ZBBX: variants seen among roughly 807,000 people sequenced by gnomAD.
ZBBX encodes the protein zinc finger B-box domain-containing protein 1.
A neutral mutation model predicts 108.5 loss-of-function variants in ZBBX; 101 were observed. The observed-to-expected ratio is 0.93, with a 90% CI of 0.79 to 1.10. The LOEUF is 1.10. ZBBX is among the 50% of genes least tolerant of loss of function. ZBBX has a pLI of 0.00. For missense variants in ZBBX, 1,009 were observed against 941.4 expected (o/e 1.07, Z -0.94); for synonymous variants, 356 against 323.4 (o/e 1.10, Z -1.08).
At chr3:167,338,353 C>T (rs565176997) in intron 9 of ZBBX, among the ~76,000 whole-genome samples, 4 of 152,178 alleles carry the variant, frequency 2.6e-5, no homozygotes, top group African/African-American at 9.6e-5. Context: ...ATGGATGGCA[C>T]CTTGTAGAAG....
At chr3:167,283,830 A>G (rs1729238144) in intron 19 of ZBBX, among the ~76,000 whole-genome samples, 1 of 152,074 alleles carries the variant, frequency 6.6e-6, no homozygotes, top group South Asian at 2.1e-4. Context: ...TTTAGTAGAG[A>G]TGGGGTTTCA....
At chr3:167,339,857 T>C (rs1740234057) in intron 9 of ZBBX, among the ~76,000 whole-genome samples, 1 of 152,034 alleles carries the variant, frequency 6.6e-6, no homozygotes, top group South Asian at 2.1e-4. Context: ...GTGTGTTGTT[T>C]CATTCCCTGT....
intron 20 of ZBBX, among the ~76,000 whole-genome samples, chr3:167,257,642 T>C (rs1007398179): frequency 2.4e-4 from 37 of 152,254 alleles, no homozygotes; most frequent in African/African-American, 8.7e-4. Flanking sequence ...GAAATGATCA[T>C]ATGGTTATTG....
At chr3:167,269,883 C>G (rs1390332526) in intron 20 of ZBBX, among the ~76,000 whole-genome samples, 1 of 152,178 alleles carries the variant, frequency 6.6e-6, no homozygotes, top group Non-Finnish European at 1.5e-5. Flanking sequence ...GGCATGTCCC[C>G]TAGCTGAAGA....
intron 21 of ZBBX, 31 bp from the exon 22 acceptor site, chr3:167,240,950 T>C (rs1720562184): frequency 1.9e-6 from 3 of 1,607,456 alleles, no homozygotes; most frequent in Non-Finnish European, 2.5e-6. Context: ...CAATACACAA[T>C]ATACAGAACC....
intron 15 of ZBBX, among the ~76,000 whole-genome samples, chr3:167,314,466 T>C (rs1294414108): frequency 1.4e-4 from 21 of 152,186 alleles, no homozygotes. Context: ...AATCAAGGCT[T>C]TACTACTAGA....
At chr3:167,225,754 G>A in the ZBBX span, among the ~76,000 whole-genome samples, 1 of 151,734 alleles carries the variant, frequency 6.6e-6, no homozygotes, top group Non-Finnish European at 1.5e-5. Context: ...AGTAACTTTC[G>A]ATGCTACCAC....
chr3:167,378,605 CT>C (rs1747325179), intron 2 of ZBBX, among the ~76,000 whole-genome samples: 1 of 152,122 alleles, frequency 6.6e-6, no homozygotes, highest in African/African-American at 2.4e-5. Flanking sequence ...CTGTGGGCTT[CT>C]ATAAGACCTC....
chr3:167,196,230 CAA>C, the ZBBX span, among the ~76,000 whole-genome samples: 117 of 152,190 alleles, frequency 7.7e-4, no homozygotes, highest in African/African-American at 2.7e-3. Context: ...GACTAGTTCA[CAA>C]AGAGTCTTGA....
chr3:167,249,064 C>T (rs905772470), intron 20 of ZBBX, among the ~76,000 whole-genome samples: 1 of 152,242 alleles, frequency 6.6e-6, no homozygotes, highest in Non-Finnish European at 1.5e-5. Flanking sequence ...TCAGCCTATA[C>T]TCCTCTGGAG....
At chr3:167,192,982 C>G in the ZBBX span, among the ~76,000 whole-genome samples, 2 of 152,130 alleles carry the variant, frequency 1.3e-5, no homozygotes, top group Non-Finnish European at 2.9e-5. Context: ...TGGTTCCTTG[C>G]TCTGACCCTT....
chr3:167,377,900 C>T (rs1023432534), intron 2 of ZBBX, among the ~76,000 whole-genome samples: 2 of 152,052 alleles, frequency 1.3e-5, no homozygotes, highest in Non-Finnish European at 2.9e-5. Context: ...GGTGGGAGGG[C>T]CCTGGTAGGA....
chr3:167,375,008 G>T (rs1746726933), intron 2 of ZBBX, among the ~76,000 whole-genome samples: 1 of 152,164 alleles, frequency 6.6e-6, no homozygotes, highest in African/African-American at 2.4e-5. Flanking sequence ...GCCCAATAAT[G>T]AGTGGCTTTA....
At chr3:167,269,440 A>G (rs1285612113) in intron 20 of ZBBX, among the ~76,000 whole-genome samples, 2 of 152,222 alleles carry the variant, frequency 1.3e-5, no homozygotes, top group Admixed American at 6.5e-5. Flanking sequence ...GCATAGTCTT[A>G]TAAGTTAGTC....
At chr3:167,254,935 A>T (rs1030225206) in intron 20 of ZBBX, among the ~76,000 whole-genome samples, 1 of 151,628 alleles carries the variant, frequency 6.6e-6, no homozygotes, top group Admixed American at 6.6e-5. Flanking sequence ...AGAGAGAGAG[A>T]CAGAGAATCT....
In ZBBX at chr3:167,317,004, C is replaced by G. The variant is rs753532237; in HGVS notation, c.1194+1G>C. 2 of 1,576,590 alleles carry G rather than the reference C, an allele frequency of 1.3e-6. No individual in the cohort carries two copies. The highest frequency in any genetic ancestry group is 3.4e-5 in the Admixed American group (2 of 58,130). Reference sequence around the variant, plus strand: ...TGGTCATTATGCACTTATGCACTTACATCATCCAGTTCGACTATCTTTAGA... The same window carrying G: ...TGGTCATTATGCACTTATGCACTTAGATCATCCAGTTCGACTATCTTTAGA... On this transcript the variant is annotated splice_donor_variant, in intron 14 of 21. Transcript: ENST00000675490. LOFTEE classifies it high-confidence loss of function.
chr3:167,263,106 C>A (rs1312872049), intron 20 of ZBBX, among the ~76,000 whole-genome samples: 1 of 138,080 alleles, frequency 7.2e-6, no homozygotes, highest in Non-Finnish European at 1.5e-5. Context: ...GATGTAATCT[C>A]AGCTCACTGC....
chr3:167,339,267 A>G (rs1560149307), intron 9 of ZBBX, among the ~76,000 whole-genome samples: 1 of 152,156 alleles, frequency 6.6e-6, no homozygotes, highest in Non-Finnish European at 1.5e-5. Context: ...CCTTAGCTTA[A>G]GTTCTGACTG....
chr3:167,407,825 G>A (rs114737438), exon 1 of ZBBX, among the ~76,000 whole-genome samples: 2,185 of 152,080 alleles, frequency 0.014, 54 homozygotes, highest in African/African-American at 0.05. Flanking sequence ...ACTCTGTGTT[G>A]CTCGAGGGTC....
Sources: allele counts gnomAD v4.1 joint callset (sites outside exome capture counted in the v4.1 genomes callset), GRCh38; gene constraint gnomAD v4.1.1; transcripts MANE v1.5; gene names NCBI Gene and HGNC (gene_info 2026-07-23, HGNC 2026-07-21).